Variants in EMILIN2 observed in about 807,000 individuals in gnomAD.
EMILIN2 encodes EMILIN-2.
A neutral mutation model predicts 87.1 loss-of-function variants in EMILIN2; 71 were observed. The ratio of observed to expected loss-of-function variants is 0.82; its 90% confidence interval spans 0.67 to 0.99. The LOEUF is 0.99. EMILIN2 is among the 50% of genes least tolerant of loss of function. The pLI is 0.00. For synonymous variants in EMILIN2, 581 were observed against 563.4 expected (o/e 1.03, Z -0.44); for missense variants, 1,407 against 1,371.8 (o/e 1.03, Z -0.40).
rs2076773021 is a variant in EMILIN2, at chr18:2,880,717, C to T, written c.258-4247C>T. Reference sequence around the variant, plus strand: ...TGATTCTGTATCGAGTGAGCATCTCCCGTGTGCTCACAGCCCGGGGCCCCT... The same window carrying T: ...TGATTCTGTATCGAGTGAGCATCTCTCGTGTGCTCACAGCCCGGGGCCCCT... On this transcript the variant is annotated intron_variant, in intron 2 of 7. Coordinates refer to ENST00000254528, the MANE Select transcript of EMILIN2 (RefSeq NM_032048.3). This position sits in a 1 kb window ranked among gnomAD's most constrained non-coding sequence, Gnocchi z 4.1. 6.6e-6 allele frequency among the ~76,000 whole-genome samples: 1 copy of T among 152,196 alleles called. No individual in the cohort carries two copies. The highest frequency in any genetic ancestry group is 2.4e-5 in the African/African-American group (1 of 41,458).
At chr18:2,883,529 T>C (rs1189553796) in intron 2 of EMILIN2, among the ~76,000 whole-genome samples, 2 of 152,156 alleles carry the variant, frequency 1.3e-5, no homozygotes, top group Admixed American at 6.5e-5. Flanking sequence ...TGGGCTGAAG[T>C]AGGGAGGCCC....
At chr18:2,879,735 G>T (rs1356119907) in intron 2 of EMILIN2, among the ~76,000 whole-genome samples, 3 of 151,638 alleles carry the variant, frequency 2.0e-5, no homozygotes, top group African/African-American at 7.3e-5. Flanking sequence ...TTGAGGTATG[G>T]TCTCTGTCGC....
rs2076834427 is a variant in EMILIN2 at position 2,891,177 on chromosome 18, C to T, written c.1050C>T (p.Gly350=). ...LKNSCEYKLT[G]LQQQCDDYGS... is the part of the protein sequence containing the mutation. The stretch of plus-strand genomic sequence containing the variant: ...ACTCATGTGAGTACAAGCTCACTGG[C>T]CTCCAGCAGCAGTGTGATGACTATG... The change falls in exon 4 of 8, where the codon GGC becomes GGT. Residue 350 remains glycine (G), a synonymous_variant. Transcript: ENST00000254528. This position sits in a 1 kb window ranked among gnomAD's most constrained non-coding sequence, Gnocchi z 4.6. The T allele has an allele frequency of 6.2e-7, 1 of 1,614,060 alleles. No individual in the cohort carries two copies. The highest frequency in any genetic ancestry group is 1.7e-5 in the Admixed American group (1 of 60,002).
intron 3 of EMILIN2, among the ~76,000 whole-genome samples, chr18:2,888,805 T>A (rs1167218040): frequency 6.6e-6 from 1 of 151,978 alleles, no homozygotes; most frequent in Non-Finnish European, 1.5e-5. Context: ...AAAGAATGAT[T>A]CTTGGGGATT....
Position 2,892,234 on chromosome 18 carries a change from G to T in EMILIN2, c.2107G>T (p.Glu703Ter). 6.2e-7 allele frequency: 1 copy of T among 1,612,128 alleles called. No homozygotes were observed. Among genetic ancestry groups the T allele is most frequent in the Non-Finnish European group, 8.5e-7 (1 of 1,178,386 alleles). The change falls in exon 4 of 8, where the codon GAG becomes TAG. Residue 703 changes from glutamate (E) to a stop codon, truncating the protein, a stop_gained. Transcript: ENST00000254528. LOFTEE classifies it high-confidence loss of function. Reference protein sequence around the residue: ...QGVQREVSMVEGRVSHMEKTC... With the variant: ...QGVQREVSMV ...GGTCCAGAGGGAGGTCTCCATGGTG[G>T]AGGGCAGGGTGTCTCATATGGAGAA...
rs776873975 is a variant in EMILIN2, at chr18:2,892,228, A to G, written c.2101A>G (p.Met701Val). 6.2e-7 allele frequency: 1 copy of G among 1,611,322 alleles called. No individual in the cohort carries two copies. The highest frequency in any genetic ancestry group is 8.5e-7 in the Non-Finnish European group (1 of 1,177,834). The part of the protein sequence containing the change: ...CTQGVQREVS[M>V]VEGRVSHMEK... ...GCAGGGGGTCCAGAGGGAGGTCTCC[A>G]TGGTGGAGGGCAGGGTGTCTCATAT... Residue 701 changes from methionine to valine, a missense_variant, in exon 4 of 8, where the codon ATG becomes GTG. Transcript: ENST00000254528.
At position 2,894,911 on chromosome 18, in the gene EMILIN2, C is replaced by T. The variant is rs543973419; in HGVS notation, c.2359+2425C>T. Among the ~76,000 whole-genome samples, 7 of 152,192 alleles carry T rather than the reference C, an allele frequency of 4.6e-5. No individual in the cohort carries two copies. The South Asian group carries it at 6.2e-4, about 14-fold the overall frequency. ...CAACAGAATGTTTATTGAGTGCCTA[C>T]GATGTGCAAGGCTCTTGGGGGACCT... On this transcript the variant is annotated intron_variant, in intron 4 of 7. Transcript: ENST00000254528. This position sits in a 1 kb window ranked among gnomAD's most constrained non-coding sequence, Gnocchi z 5.0.
chr18:2,882,791 G>A (rs936468908), intron 2 of EMILIN2, among the ~76,000 whole-genome samples: 8 of 151,898 alleles, frequency 5.3e-5, no homozygotes, highest in Non-Finnish European at 1.0e-4. Context: ...GCTGAGGCAG[G>A]CGAATCGCTT....
At chr18:2,881,562 A>G (rs1040997974) in intron 2 of EMILIN2, among the ~76,000 whole-genome samples, 6 of 152,250 alleles carry the variant, frequency 3.9e-5, no homozygotes, top group Non-Finnish European at 8.8e-5. Context: ...CAGAGGTCAC[A>G]GCCCGCTGCT....
In EMILIN2 at chr18:2,891,625, C is replaced by T. The variant is rs761307600; in HGVS notation, c.1498C>T (p.Arg500Cys). The T allele has an allele frequency of 5.6e-6, 9 of 1,613,878 alleles. No homozygotes were observed. Among genetic ancestry groups the T allele is most frequent in the African/African-American group, 5.3e-5 (4 of 74,908 alleles). ...TCAGAAAATACAGTCTCTGGAAGAC[C>T]GTCTGGGGAGCGTTCTCCTACAGAT... Reference protein sequence around the residue: ...VDQKIQSLEDRLGSVLLQMTN... With the variant: ...VDQKIQSLEDCLGSVLLQMTN... The change falls in exon 4 of 8, where the codon CGT becomes TGT. Residue 500 changes from arginine (R) to cysteine (C), a missense_variant. Coordinates refer to ENST00000254528, the MANE Select transcript of EMILIN2 (RefSeq NM_032048.3). The surrounding 1 kb of genome is among the most constrained non-coding windows in gnomAD (Gnocchi z 4.6).
In EMILIN2 at chr18:2,891,753, G is replaced by A. The variant is rs781718773; in HGVS notation, c.1626G>A (p.Leu542=). ...GGGTCATGATGGAATTAAACCACCT[G>A]AAGGACAAAGTTCAAGTTGTTGAAG... is the stretch of plus-strand genomic sequence containing the variant. ...DERVMMELNH[L]KDKVQVVEDI... The change falls in exon 4 of 8, where the codon CTG becomes CTA. Residue 542 remains leucine (L), a synonymous_variant. Coordinates refer to ENST00000254528, the MANE Select transcript of EMILIN2 (RefSeq NM_032048.3). This position sits in a 1 kb window ranked among gnomAD's most constrained non-coding sequence, Gnocchi z 4.6. 1 of 1,614,192 alleles carries A rather than the reference G, an allele frequency of 6.2e-7. No individual in the cohort carries two copies. The highest frequency in any genetic ancestry group is 2.2e-5 in the East Asian group (1 of 44,878).
chr18:2,869,780 GTGTGTT>G (rs56853221), intron 2 of EMILIN2, among the ~76,000 whole-genome samples: 4,631 of 50,982 alleles, frequency 0.091, 238 homozygotes, highest in African/African-American at 0.22. Flanking sequence ...GTGTGTGTGT[GTGTGTT>G]TGTGTGTGTG....
chr18:2,867,792 TC>T (rs1334949658), intron 2 of EMILIN2, among the ~76,000 whole-genome samples: 1 of 152,232 alleles, frequency 6.6e-6, no homozygotes, highest in Non-Finnish European at 1.5e-5. Flanking sequence ...CTCAGTCTTT[TC>T]CCCACCTTTC....
chr18:2,910,873 C>T (rs1024502226), intron 7 of EMILIN2, among the ~76,000 whole-genome samples: 2 of 152,212 alleles, frequency 1.3e-5, no homozygotes, highest in Non-Finnish European at 2.9e-5. Flanking sequence ...GTGCCCCAGG[C>T]TGATTAAGCT....
In EMILIN2 at chr18:2,892,849, C is replaced by T. The variant is rs192468764; in HGVS notation, c.2359+363C>T. On this transcript the variant is annotated intron_variant, in intron 4 of 7. Coordinates refer to ENST00000254528, the MANE Select transcript of EMILIN2 (RefSeq NM_032048.3). Reference sequence around the variant, plus strand: ...GGTGGATCACCTGAGGTCAGGCATTCGAGATCAACCTGGCCAACATGGCGA... The same window carrying T: ...GGTGGATCACCTGAGGTCAGGCATTTGAGATCAACCTGGCCAACATGGCGA... Among the ~76,000 whole-genome samples, 179 of 149,014 alleles carry T rather than the reference C, an allele frequency of 1.2e-3. 3 individuals are homozygous for T. Among genetic ancestry groups the T allele is most frequent in the Non-Finnish European group, 2.1e-3 (141 of 67,468 alleles).
intron 4 of EMILIN2, among the ~76,000 whole-genome samples, chr18:2,905,787 T>G (rs1399855035): frequency 6.6e-5 from 10 of 150,686 alleles, no homozygotes; most frequent in Non-Finnish European, 1.5e-4. Context: ...TTTTTTGTTT[T>G]TTTTTTTTGG....
chr18:2,873,888 G>A (rs1468874880), intron 2 of EMILIN2, among the ~76,000 whole-genome samples: 1 of 152,072 alleles, frequency 6.6e-6, no homozygotes, highest in Non-Finnish European at 1.5e-5. Context: ...GTGTCCTGCG[G>A]CCTCCTAAGT....
intron 2 of EMILIN2, among the ~76,000 whole-genome samples, chr18:2,854,250 C>T (rs9958383): frequency 0.027 from 4,167 of 152,130 alleles, 198 homozygotes; most frequent in African/African-American, 0.095. Context: ...GGAATTTTTC[C>T]TATTAGCTCT....
At chr18:2,876,788 C>T (rs2076751416) in intron 2 of EMILIN2, among the ~76,000 whole-genome samples, 1 of 152,126 alleles carries the variant, frequency 6.6e-6, no homozygotes, top group South Asian at 2.1e-4. Flanking sequence ...GATATATGTA[C>T]AAAGCTACAT....
Sources: gnomAD v4.1 joint callset for allele counts (sites outside exome capture counted in the v4.1 genomes callset) on GRCh38, gnomAD v4.1.1 for gene constraint, Gnocchi (gnomAD v3.1) non-coding constraint, MANE v1.5 for transcripts, NCBI Gene and HGNC (gene_info 2026-07-23, HGNC 2026-07-21) for gene names.